The following RERE variants were observed in gnomAD, a reference collection of about 807,000 sequenced individuals.
The protein encoded by RERE is arginine-glutamic acid dipeptide repeats protein.
In RERE, 40 loss-of-function variants were observed where a neutral mutation model predicts 146.1. The observed-to-expected ratio is 0.27, with a 90% CI of 0.21 to 0.36. RERE has a LOEUF of 0.36. Among genes scored for constraint, RERE ranks in the 10% least tolerant of loss-of-function variants. The probability of loss-of-function intolerance (pLI) is 1.00; values close to 1 mark genes in which losing one functional copy is unlikely to be tolerated. For missense variants in RERE, 1,933 were observed against 2,138.7 expected, an observed-to-expected ratio of 0.90 and a Z score of 1.90; for synonymous variants, 1,003 against 866.0, an observed-to-expected ratio of 1.16 and a Z score of -2.78.
chr1:8,366,139 A>G (rs1465728553), intron 12 of RERE, among the ~76,000 whole-genome samples, 165 bp from the exon 13 acceptor site: 3 of 152,184 alleles, frequency 2.0e-5, no homozygotes, highest in Non-Finnish European at 4.4e-5. Flanking sequence ...TTGCCCAAGA[A>G]ACAGCCACTG....
chr1:8,353,110 G>A lies in RERE; in HGVS notation c.*1977C>T, dbSNP rs1166627031. On this transcript the variant is annotated 3_prime_UTR_variant, in exon 23 of 23. Transcript: ENST00000400908. ...TGAGGGCCTGTCCCCACCCCAGAAG[G>A]AAACGAATGCCTTCAAGCCAATGTG... The A allele has an allele frequency of 6.6e-6, 1 of 152,514 alleles. No homozygotes were observed. Among genetic ancestry groups the A allele is most frequent in the African/African-American group, 2.4e-5 (1 of 41,460 alleles). The allele number at this position is 152,514 out of a possible 1,614,324, so 9.4% of individuals were successfully genotyped here.
intron 7 of RERE, chr1:8,512,633 T>G (rs1254296703): frequency 6.6e-6 from 1 of 152,504 alleles, no homozygotes; most frequent in East Asian, 1.9e-4. Flanking sequence ...GTTTTTGTGG[T>G]TAGCTCCTCA....
intron 12 of RERE, among the ~76,000 whole-genome samples, chr1:8,418,432 G>T (rs1435449802): frequency 2.6e-5 from 4 of 152,176 alleles, no homozygotes; most frequent in African/African-American, 7.2e-5. Flanking sequence ...CTACCAAGCT[G>T]GGGTAGATCA....
intron 12 of RERE, among the ~76,000 whole-genome samples, chr1:8,372,578 T>G (rs1373823620): frequency 1.4e-5 from 2 of 141,842 alleles, no homozygotes; most frequent in African/African-American, 5.1e-5. Flanking sequence ...CAGTCCTTTG[T>G]AAATAACCGT....
chr1:8,688,574 T>C (rs917981427), intron 1 of RERE, among the ~76,000 whole-genome samples: 1 of 149,946 alleles, frequency 6.7e-6, no homozygotes, highest in Non-Finnish European at 1.5e-5. Flanking sequence ...AAAAAAAAAA[T>C]TAAAATTAAA....
At position 8,360,543 on chromosome 1, in the gene RERE, C is replaced by G; in HGVS notation, c.2964G>C (p.Leu988=). 1 of 1,132,584 alleles carries G rather than the reference C, an allele frequency of 8.8e-7. No homozygotes were observed. Among genetic ancestry groups the G allele is most frequent in the South Asian group, 1.9e-5 (1 of 52,444 alleles). The allele number at this position is 1,132,584 out of a possible 1,614,324, so 70.2% of individuals were successfully genotyped here. A position where few individuals can be genotyped will look rare whatever the true frequency, so the allele number is the denominator to read the frequency against. The change falls in exon 18 of 23, where the codon CTG becomes CTC. Residue 988 remains leucine (L), a synonymous_variant. Transcript: ENST00000400908. ...HHPPSAHPPP[L]QLMPQSQPLP... Reference sequence around the variant, plus strand: ...ATGGCTGGCTCTGAGGCATGAGTTGCAGGGGTGGGGGGTGAGCCGACGGGG... The same window carrying G: ...ATGGCTGGCTCTGAGGCATGAGTTGGAGGGGTGGGGGGTGAGCCGACGGGG...
Position 8,360,143 on chromosome 1 carries a change from C to A in RERE, c.3364G>T (p.Asp1122Tyr). The A allele has an allele frequency of 6.3e-7, 1 of 1,592,488 alleles. No homozygotes were observed. The highest frequency in any genetic ancestry group is 8.6e-7 in the Non-Finnish European group (1 of 1,169,088). ...GACTGGCTGGCGTGACTGGGGGTGT[C>A]CACCACAGTGGGCTCCGGGGACGGG... ...RSPSPEPTVV[D>Y]TPSHASQSAR... Residue 1122 changes from aspartate (D) to tyrosine (Y), a missense_variant, in exon 18 of 23, where the codon GAC becomes TAC. Coordinates refer to ENST00000400908, the MANE Select transcript of RERE (RefSeq NM_001042681.2).
intron 1 of RERE, among the ~76,000 whole-genome samples, chr1:8,790,679 G>A (rs1046426313): frequency 6.6e-6 from 1 of 152,214 alleles, no homozygotes; most frequent in African/African-American, 2.4e-5. Context: ...CACCTCCCAG[G>A]TTCAAGCAAT....
intron 4 of RERE, among the ~76,000 whole-genome samples, chr1:8,559,304 A>AAAAAAC (rs754733974): frequency 7.7e-6 from 1 of 130,098 alleles, no homozygotes; most frequent in African/African-American, 2.9e-5. Flanking sequence ...AAAAAAAAAA[A>AAAAAAC]CAGAACAAAA....
At chr1:8,632,254 G>A (rs977920924) in intron 2 of RERE, among the ~76,000 whole-genome samples, 3 of 152,106 alleles carry the variant, frequency 2.0e-5, no homozygotes, top group East Asian at 3.8e-4. Flanking sequence ...TTCTCTCCCC[G>A]TATGGCTGAC....
intron 12 of RERE, among the ~76,000 whole-genome samples, chr1:8,418,707 T>C (rs954551023): frequency 6.6e-6 from 1 of 152,234 alleles, no homozygotes; most frequent in Non-Finnish European, 1.5e-5. Context: ...AAAACTGCAA[T>C]GTATAGACAA....
chr1:8,798,547 A>C (rs1395052677), intron 1 of RERE: 2 of 216,524 alleles, frequency 9.2e-6, no homozygotes, highest in East Asian at 2.2e-4. Context: ...CAGGAAGCAA[A>C]GATATCATCA....
chr1:8,611,193 T>G (rs145839281), intron 4 of RERE, among the ~76,000 whole-genome samples: 2,301 of 150,486 alleles, frequency 0.015, 61 homozygotes, highest in African/African-American at 0.054. Context: ...AGACTCTGTC[T>G]CAAAAAACAA....
At chr1:8,746,837 G>C (rs1640430568) in intron 1 of RERE, among the ~76,000 whole-genome samples, 1 of 148,614 alleles carries the variant, frequency 6.7e-6, no homozygotes, top group East Asian at 2.0e-4. Flanking sequence ...GGGCAGGCAG[G>C]GGAGGGAGGG....
intron 1 of RERE, among the ~76,000 whole-genome samples, chr1:8,669,473 C>T (rs1638664922): frequency 6.6e-6 from 1 of 152,158 alleles, no homozygotes; most frequent in Non-Finnish European, 1.5e-5. Context: ...AAAACAAACA[C>T]ACAGCAGCAG....
intron 7 of RERE, among the ~76,000 whole-genome samples, chr1:8,519,069 G>A (rs957528389): frequency 7.2e-5 from 11 of 152,102 alleles, no homozygotes; most frequent in African/African-American, 2.4e-4. Context: ...AGAATTAAAT[G>A]AACCTGAATT....
intron 20 of RERE, among the ~76,000 whole-genome samples, chr1:8,357,622 G>C (rs1000536095): frequency 6.6e-6 from 1 of 152,220 alleles, no homozygotes; most frequent in African/African-American, 2.4e-5. Context: ...ATGCCAGCTG[G>C]GCCTGCCTCT....
At chr1:8,559,136 C>T (rs985061361) in intron 4 of RERE, among the ~76,000 whole-genome samples, 5 of 149,704 alleles carry the variant, frequency 3.3e-5, no homozygotes, top group Admixed American at 2.7e-4. Context: ...AAAAATTAGC[C>T]GGGTATGGTG....
intron 4 of RERE, among the ~76,000 whole-genome samples, chr1:8,573,077 G>A (rs1646242161): frequency 6.6e-6 from 1 of 152,078 alleles, no homozygotes; most frequent in African/African-American, 2.4e-5. Flanking sequence ...TCCTGAGCGT[G>A]TTCATGAAAA....
Sources: gnomAD v4.1 joint callset for allele counts (sites outside exome capture counted in the v4.1 genomes callset) on GRCh38, gnomAD v4.1.1 for gene constraint, MANE v1.5 for transcripts, NCBI Gene and HGNC (gene_info 2026-07-23, HGNC 2026-07-21) for gene names.